Variants in P4HA3 observed in about 807,000 individuals in gnomAD.
P4HA3 encodes the protein prolyl 4-hydroxylase subunit alpha-3.
P4HA3 carries 60 observed loss-of-function variants against 66.7 expected under a neutral mutation model. The ratio of observed to expected loss-of-function variants is 0.90; its 90% CI spans 0.73 to 1.12. The LOEUF (loss-of-function observed/expected upper bound fraction) is 1.12, where lower values mean the gene tolerates loss of function less well. P4HA3 is among the 50% of genes most tolerant of loss of function. The probability of loss-of-function intolerance (pLI) is 0.00; values close to 1 mark genes in which losing one functional copy is unlikely to be tolerated. For missense variants in P4HA3, 683 were observed against 685.8 expected, an observed-to-expected ratio of 1.00 and a Z score of 0.05; for synonymous variants, 263 against 274.6, an observed-to-expected ratio of 0.96 and a Z score of 0.42.
rs1433814642 is a variant in P4HA3, at chr11:74,266,769, T to C, written c.*479A>G. On this transcript the variant is annotated 3_prime_UTR_variant, in exon 13 of 13. Coordinates refer to ENST00000331597, the MANE Select transcript of P4HA3 (RefSeq NM_182904.5). ...TATAATGTACCACTCATCTGGGATA[T>C]GCTTCTGGGAGGGGGACACTCCCTG... The C allele has an allele frequency of 1.2e-5, 5 of 419,048 alleles. No homozygotes were observed. The highest frequency in any genetic ancestry group is 2.0e-5 in the African/African-American group (1 of 50,804). 26.0% of individuals were successfully genotyped at this position (419,048 alleles called of 1,614,324 possible). A position where few individuals can be genotyped will look rare whatever the true frequency, so the allele number is the denominator to read the frequency against.
intron 15 of P4HA3, chr11:74,251,779 G>C: frequency 1.3e-6 from 2 of 1,584,932 alleles, no homozygotes. Flanking sequence ...GCAGACACTT[G>C]TAGGACTGTA....
At chr11:74,290,386 T>C (rs1177206057) in intron 4 of P4HA3, among the ~76,000 whole-genome samples, 4 of 150,170 alleles carry the variant, frequency 2.7e-5, no homozygotes, top group South Asian at 2.1e-4. Context: ...TTCTCCCATT[T>C]TGTAGGTTGC....
At chr11:74,273,252 C>T (rs970223774) in intron 10 of P4HA3, among the ~76,000 whole-genome samples, 11 of 152,078 alleles carry the variant, frequency 7.2e-5, no homozygotes, top group South Asian at 4.2e-4. Flanking sequence ...TGTTCAAGTC[C>T]CTCTATCTCT....
chr11:74,305,129 C>G (rs1219823517), intron 1 of P4HA3, among the ~76,000 whole-genome samples: 2 of 152,052 alleles, frequency 1.3e-5, no homozygotes, highest in African/African-American at 4.8e-5. Context: ...TGGACTGGTA[C>G]CGGTCCCTGG....
chr11:74,308,832 A>G (rs1861646595), intron 1 of P4HA3, among the ~76,000 whole-genome samples: 1 of 152,238 alleles, frequency 6.6e-6, no homozygotes, highest in African/African-American at 2.4e-5. Flanking sequence ...GCCAGGTACA[A>G]TGATAAAAAC....
At chr11:74,269,541 C>G (rs1454276998) in intron 11 of P4HA3, 111 bp downstream of exon 11, 1 of 1,143,088 alleles carries the variant, frequency 8.7e-7, no homozygotes, top group African/African-American at 1.6e-5. Context: ...GGGAAGACCT[C>G]TTTTTGGCCC....
intron 15 of P4HA3, chr11:74,251,288 C>T: frequency 7.3e-7 from 1 of 1,361,096 alleles, no homozygotes; most frequent in Non-Finnish European, 9.4e-7. Context: ...CCAATACCCC[C>T]AAAAGCCAGA....
chr11:74,295,192 A>G (rs1209680160), intron 4 of P4HA3, among the ~76,000 whole-genome samples: 1 of 152,210 alleles, frequency 6.6e-6, no homozygotes, highest in Non-Finnish European at 1.5e-5. Flanking sequence ...AAACCCTAGT[A>G]AAAATATAAT....
chr11:74,251,587 G>T, intron 15 of P4HA3: 1 of 1,590,520 alleles, frequency 6.3e-7, no homozygotes. Flanking sequence ...GTAGCTCACA[G>T]CCCAAGGCTA....
chr11:74,276,901 G>A, intron 9 of P4HA3, 84 bp downstream of exon 9: 3 of 1,344,174 alleles, frequency 2.2e-6, no homozygotes, highest in Non-Finnish European at 3.0e-6. Context: ...TATTCCCTGA[G>A]AGCCTACAAG....
chr11:74,284,943 T>C (rs1387238628), intron 7 of P4HA3, among the ~76,000 whole-genome samples: 2 of 152,228 alleles, frequency 1.3e-5, no homozygotes, highest in Non-Finnish European at 2.9e-5. Flanking sequence ...TGCACCTTCG[T>C]TGGGCCCGCT....
At chr11:74,262,539 T>C (rs2135697261), downstream of P4HA3, among the ~76,000 whole-genome samples, 1 of 152,302 alleles carries the variant, frequency 6.6e-6, no homozygotes, top group South Asian at 2.1e-4. Context: ...CAGATCCTGG[T>C]TCTGCCCCTG....
intron 15 of P4HA3, chr11:74,253,594 C>G (rs1048513488): frequency 6.9e-7 from 1 of 1,448,294 alleles, no homozygotes; most frequent in Non-Finnish European, 9.7e-7. Flanking sequence ...ACTGTCTCCT[C>G]TCCATCCCGC....
chr11:74,253,249 AAGACTTAATTTCTCTTACTAAAC>A (rs1205008595), intron 15 of P4HA3, among the ~76,000 whole-genome samples: 1 of 152,042 alleles, frequency 6.6e-6, no homozygotes, highest in African/African-American at 2.4e-5. Context: ...ACCAACAATA[AAGACTTAATTTCTCTTACTAAAC>A]AGTGTTTGGC....
intron 4 of P4HA3, among the ~76,000 whole-genome samples, chr11:74,290,481 G>A (rs1018336906): frequency 1.3e-5 from 2 of 150,688 alleles, no homozygotes; most frequent in African/African-American, 4.9e-5. Flanking sequence ...GTCTTTTGTT[G>A]CCATTGCTTT....
chr11:74,267,112 A>G lies in P4HA3; in HGVS notation c.*136T>C. On this transcript the variant is annotated 3_prime_UTR_variant, in exon 13 of 13. Coordinates refer to ENST00000331597, the MANE Select transcript of P4HA3 (RefSeq NM_182904.5). ...GGTAACAACCTCTCCCTTGCCTCTG[A>G]TTTGCGAGGCACAGACAAAGCTGAC... The G allele has an allele frequency of 6.5e-7, 1 of 1,547,102 alleles. No individual in the cohort carries two copies. Among genetic ancestry groups the G allele is most frequent in the Non-Finnish European group, 8.7e-7 (1 of 1,150,580 alleles).
downstream of P4HA3, among the ~76,000 whole-genome samples, chr11:74,261,934 TTGAGCTGACAC>T (rs1335468793): frequency 3.3e-5 from 5 of 152,218 alleles, no homozygotes; most frequent in African/African-American, 1.2e-4. Flanking sequence ...GCTTCTAGTC[TTGAGCTGACAC>T]TGACACACAG....
intron 5 of P4HA3, 142 bp downstream of exon 5, chr11:74,288,937 A>C: frequency 3.9e-6 from 2 of 508,422 alleles, no homozygotes; most frequent in Non-Finnish European, 6.1e-6. Context: ...TGACAGAGGG[A>C]GATGCCATCT....
chr11:74,282,987 G>A (rs1301084515), intron 7 of P4HA3, among the ~76,000 whole-genome samples: 1 of 152,186 alleles, frequency 6.6e-6, no homozygotes, highest in Non-Finnish European at 1.5e-5. Context: ...TGGGCAGGAT[G>A]TGGTGAGAGA....
Sources: allele counts gnomAD v4.1 joint callset (sites outside exome capture counted in the v4.1 genomes callset), GRCh38; gene constraint gnomAD v4.1.1; transcripts MANE v1.5; gene names NCBI Gene and HGNC (gene_info 2026-07-23, HGNC 2026-07-21).